ADAMTSL1: variants seen among roughly 807,000 people sequenced by gnomAD.
ADAMTSL1 encodes ADAMTS-like protein 1.
Under a neutral mutation model 201.8 loss-of-function variants are expected in ADAMTSL1, and 126 were observed. The ratio of observed to expected loss-of-function variants is 0.62; its 90% CI spans 0.54 to 0.72. The LOEUF is 0.72. ADAMTSL1 is among the 30% of genes least tolerant of loss of function. ADAMTSL1 has a pLI of 0.00. For missense variants in ADAMTSL1, 2,679 were observed against 2,277.8 expected (o/e 1.18, Z -3.59); for synonymous variants, 1,121 against 903.4 (o/e 1.24, Z -4.32).
chr9:17,957,146 C>T (rs189618477), intron 1 of ADAMTSL1, among the ~76,000 whole-genome samples: 14 of 152,152 alleles, frequency 9.2e-5, no homozygotes, highest in Admixed American at 3.9e-4. Flanking sequence ...AATTAAAAAA[C>T]GGATGGATAT....
chr9:18,209,250 A>C (rs987645398), intron 2 of ADAMTSL1, among the ~76,000 whole-genome samples: 20 of 150,898 alleles, frequency 1.3e-4, no homozygotes, highest in Admixed American at 4.6e-4. Context: ...ATTACGTCAG[A>C]CTTGTTTGTG....
Position 18,667,167 on chromosome 9 carries a change from CA to C in ADAMTSL1, c.1085+5097del, listed in dbSNP as rs779405835. Among the ~76,000 whole-genome samples, 4 of 151,628 alleles carry C rather than the reference CA, an allele frequency of 2.6e-5. No individual in the cohort carries two copies. In the East Asian group the frequency reaches 5.8e-4, roughly 22 times the overall value. ...AGAGCAACAGTCCTAAGCAAATGCC[CA>C]AACTTGTATACCCCCAAGCGGCAAT... On this transcript the variant is annotated intron_variant, in intron 9 of 28. Transcript: ENST00000380548.
intron 1 of ADAMTSL1, among the ~76,000 whole-genome samples, chr9:18,492,341 A>AT (rs1378265995): frequency 6.6e-6 from 1 of 152,200 alleles, no homozygotes; most frequent in Admixed American, 6.5e-5. Context: ...GCTTACAAGT[A>AT]TTTATTGTTT....
chr9:18,826,255 G>A (rs1325161991), intron 21 of ADAMTSL1, 29 bp from the exon 22 acceptor site: 2 of 1,513,338 alleles, frequency 1.3e-6, no homozygotes, highest in Non-Finnish European at 1.8e-6. Context: ...TGATGAGTGG[G>A]GTTTTTTGTT....
chr9:18,875,586 A>C (rs906453682), intron 23 of ADAMTSL1, among the ~76,000 whole-genome samples: 1 of 151,958 alleles, frequency 6.6e-6, no homozygotes, highest in Non-Finnish European at 1.5e-5. Flanking sequence ...TTGATGTCCA[A>C]TTTTCTTCCA....
chr9:18,492,857 A>G (rs1822334347), intron 1 of ADAMTSL1, among the ~76,000 whole-genome samples: 1 of 152,212 alleles, frequency 6.6e-6, no homozygotes, highest in Non-Finnish European at 1.5e-5. Flanking sequence ...AAGTCAGGAT[A>G]TAACAAAAAC....
intron 2 of ADAMTSL1, among the ~76,000 whole-genome samples, chr9:18,169,463 C>G (rs1827792181): frequency 6.6e-6 from 1 of 152,072 alleles, no homozygotes; most frequent in Non-Finnish European, 1.5e-5. Flanking sequence ...TCTGAGGGCT[C>G]TGTTGTGTTC....
intron 19 of ADAMTSL1, among the ~76,000 whole-genome samples, chr9:18,782,428 C>T (rs908162531): frequency 6.6e-6 from 1 of 152,130 alleles, no homozygotes; most frequent in Non-Finnish European, 1.5e-5. Flanking sequence ...TAAAAGAGCA[C>T]CGCTCATCAT....
rs1030578666 is a variant in ADAMTSL1 at position 18,587,796 on chromosome 9, C to T, written c.474+13530C>T. Reference sequence around the variant, plus strand: ...ACCTCCAGTTCCATCCATATTGCTGCAAATGACAGGATTTCATTTTTTATG... The same window carrying T: ...ACCTCCAGTTCCATCCATATTGCTGTAAATGACAGGATTTCATTTTTTATG... On this transcript the variant is annotated intron_variant, in intron 4 of 28. Coordinates refer to ENST00000380548, the MANE Select transcript of ADAMTSL1 (RefSeq NM_001040272.6). Among the ~76,000 whole-genome samples the T allele has an allele frequency of 6.6e-4, 100 of 152,142 alleles. 1 individual carries two copies. Among genetic ancestry groups the T allele is most frequent in the African/African-American group, 1.9e-3 (79 of 41,444 alleles).
At chr9:18,620,725 A>G (rs917957105) in intron 4 of ADAMTSL1, among the ~76,000 whole-genome samples, 1 of 152,180 alleles carries the variant, frequency 6.6e-6, no homozygotes, top group African/African-American at 2.4e-5. Flanking sequence ...GCTACACTGA[A>G]CCCATAGGGA....
At chr9:17,951,365 C>G (rs1827721769) in intron 1 of ADAMTSL1, among the ~76,000 whole-genome samples, 1 of 152,140 alleles carries the variant, frequency 6.6e-6, no homozygotes, top group Non-Finnish European at 1.5e-5. Flanking sequence ...GTTGCTTAGT[C>G]TTTGGCATAC....
At chr9:17,941,174 G>C (rs1470776522) in intron 1 of ADAMTSL1, among the ~76,000 whole-genome samples, 1 of 152,024 alleles carries the variant, frequency 6.6e-6, no homozygotes, top group Non-Finnish European at 1.5e-5. Flanking sequence ...AAGCCAAGCA[G>C]ATTTCTTTTG....
chr9:18,599,996 CAAAAAAAAAA>C (rs57914274), intron 4 of ADAMTSL1, among the ~76,000 whole-genome samples: 6 of 86,952 alleles, frequency 6.9e-5, no homozygotes, highest in Admixed American at 4.1e-4. Flanking sequence ...ACTAAAAATA[CAAAAAAAAAA>C]AAAAAAAAAA....
rs1830535430 is a variant in ADAMTSL1 at position 18,910,353 on chromosome 9, T to G, written c.*1805T>G. The G allele has an allele frequency of 6.6e-6, 1 of 152,234 alleles. No individual in the cohort carries two copies. The highest frequency in any genetic ancestry group is 2.1e-4 in the South Asian group (1 of 4,836). The allele number at this position is 152,234 out of a possible 1,614,324, so 9.4% of individuals were successfully genotyped here. Reference sequence around the variant, plus strand: ...ATTTCTTATTAAAAAAGTGCAATATTAATAATTGTACATTGTCATCCAGAA... The same window carrying G: ...ATTTCTTATTAAAAAAGTGCAATATGAATAATTGTACATTGTCATCCAGAA... On this transcript the variant is annotated 3_prime_UTR_variant, in exon 29 of 29. Transcript: ENST00000380548.
At chr9:18,228,543 C>T (rs1830516642) in intron 2 of ADAMTSL1, among the ~76,000 whole-genome samples, 1 of 152,114 alleles carries the variant, frequency 6.6e-6, no homozygotes, top group African/African-American at 2.4e-5. Flanking sequence ...CTTCAGCCTC[C>T]TGGGTAGCTG....
chr9:17,957,885 C>A (rs530918990), intron 1 of ADAMTSL1, among the ~76,000 whole-genome samples: 1 of 152,246 alleles, frequency 6.6e-6, no homozygotes, highest in East Asian at 1.9e-4. Flanking sequence ...GAATCCTTTT[C>A]TAGATCCTTC....
chr9:17,959,825 T>C (rs939064624), intron 1 of ADAMTSL1, among the ~76,000 whole-genome samples: 29 of 152,128 alleles, frequency 1.9e-4, no homozygotes, highest in African/African-American at 7.0e-4. Flanking sequence ...TCCTAGAGTG[T>C]GACTTACTCA....
intron 2 of ADAMTSL1, among the ~76,000 whole-genome samples, chr9:18,350,147 G>C (rs1188637771): frequency 2.0e-5 from 3 of 151,926 alleles, no homozygotes; most frequent in Non-Finnish European, 4.4e-5. Context: ...CTCTCTCCTG[G>C]TTTGTTTTGA....
At chr9:18,634,871 A>ATG (rs1554719393) in intron 5 of ADAMTSL1, among the ~76,000 whole-genome samples, 1 of 142,952 alleles carries the variant, frequency 7.0e-6, no homozygotes, top group African/African-American at 2.6e-5. Context: ...ATATATATAT[A>ATG]TATTTATATA....
Sources: gnomAD v4.1 joint callset for allele counts (sites outside exome capture counted in the v4.1 genomes callset) on GRCh38, gnomAD v4.1.1 for gene constraint, MANE v1.5 for transcripts, NCBI Gene and HGNC (gene_info 2026-07-23, HGNC 2026-07-21) for gene names.